The following ITGB3 variants were observed in gnomAD, a reference collection of about 807,000 sequenced individuals.
The protein encoded by ITGB3 is integrin beta-3.
In ITGB3, 48 loss-of-function variants were observed where a neutral mutation model predicts 85.8. The ratio of observed to expected loss-of-function variants is 0.56; its 90% CI spans 0.44 to 0.71. The LOEUF (loss-of-function observed/expected upper bound fraction) is 0.71, where lower values mean the gene tolerates loss of function less well. Ranked by LOEUF, ITGB3 falls within the 30% of genes least tolerant of loss-of-function variation. The pLI, the probability that ITGB3 is intolerant of heterozygous loss-of-function variation, is 0.00. For synonymous variants in ITGB3, 363 were observed against 395.6 expected, an observed-to-expected ratio of 0.92 and a Z score of 0.98; for missense variants, 861 against 1,019.1, an observed-to-expected ratio of 0.84 and a Z score of 2.11.
intron 1 of ITGB3, among the ~76,000 whole-genome samples, chr17:47,261,926 A>T (rs910941430): frequency 6.6e-6 from 1 of 152,214 alleles, no homozygotes; most frequent in Non-Finnish European, 1.5e-5. Flanking sequence ...ACTCTTTGTT[A>T]TATGGATATA....
intron 1 of ITGB3, among the ~76,000 whole-genome samples, chr17:47,260,681 C>G (rs2065005969): frequency 6.6e-6 from 1 of 152,130 alleles, no homozygotes; most frequent in Non-Finnish European, 1.5e-5. Context: ...TTGACCAATC[C>G]CCAGTGGAGG....
chr17:47,269,064 C>T (rs959881357), intron 1 of ITGB3, among the ~76,000 whole-genome samples: 14 of 152,172 alleles, frequency 9.2e-5, no homozygotes, highest in African/African-American at 3.1e-4. Flanking sequence ...GGCCTGAGCT[C>T]TATGTTGGTC....
At chr17:47,282,818 T>C (rs1207301281) in intron 2 of ITGB3, among the ~76,000 whole-genome samples, 1 of 152,244 alleles carries the variant, frequency 6.6e-6, no homozygotes, top group Non-Finnish European at 1.5e-5. Flanking sequence ...TCCACTCTCC[T>C]CCAACAATAT....
chr17:47,254,968 A>ATTATTTAT (rs145396998), intron 1 of ITGB3, among the ~76,000 whole-genome samples: 104 of 151,388 alleles, frequency 6.9e-4, no homozygotes, highest in African/African-American at 2.3e-3. Context: ...ATTTTATTTT[A>ATTATTTAT]TTATTTATTT....
At chr17:47,304,580 CCTG>C (rs2065180136) in intron 13 of ITGB3, among the ~76,000 whole-genome samples, 1 of 152,044 alleles carries the variant, frequency 6.6e-6, no homozygotes, top group Admixed American at 6.6e-5. Flanking sequence ...GTCTTGGCTT[CCTG>C]CTTTTTTTGT....
intron 1 of ITGB3, among the ~76,000 whole-genome samples, chr17:47,264,607 G>T (rs1334607085): frequency 6.6e-6 from 1 of 152,008 alleles, no homozygotes; most frequent in Non-Finnish European, 1.5e-5. Flanking sequence ...CTCTACCATG[G>T]CCTATAGCTT....
At position 47,262,914 on chromosome 17, in the gene ITGB3, G is replaced by A. The variant is rs1289574399; in HGVS notation, c.79+8974G>A. On this transcript the variant is annotated intron_variant, in intron 1 of 14. Coordinates refer to ENST00000559488, the MANE Select transcript of ITGB3 (RefSeq NM_000212.3). The stretch of plus-strand genomic sequence containing the variant: ...TTATGTCATTTAATCCTAACAACTC[G>A]GGAGCACTGGGGAAAGGAAGCAGCT... Among the ~76,000 whole-genome samples the A allele has an allele frequency of 9.2e-5, 14 of 152,118 alleles. No homozygotes were observed. The East Asian group carries it at 2.3e-3, about 25-fold the overall frequency.
intron 10 of ITGB3, among the ~76,000 whole-genome samples, chr17:47,295,819 CTGCTGTGAGGTTGGCCGAT>C (rs1435340864): frequency 1.3e-5 from 2 of 152,206 alleles, no homozygotes; most frequent in East Asian, 3.9e-4. Context: ...CCTCCCCCAG[CTGCTGTGAGGTTGGCCGAT>C]AGCAGCTCAC....
Position 47,300,503 on chromosome 17 carries a change from G to A in ITGB3, c.1939G>A (p.Asp647Asn), listed in dbSNP as rs1296258400. The change falls in exon 12 of 15, where the codon GAC (aspartate) becomes AAC (asparagine). Residue 647 changes from aspartate (D) to asparagine (N), a missense_variant. By Grantham distance (23) the Asp-to-Asn change is conservative. Transcript: ENST00000559488. Reference sequence around the variant, plus strand: ...AGAATGTGTGGAGTGTAAGAAGTTTGACCGGGGAGCCCTACATGACGAAAA... The same window carrying A: ...AGAATGTGTGGAGTGTAAGAAGTTTAACCGGGGAGCCCTACATGACGAAAA... The part of the protein sequence containing the change: ...KKECVECKKF[D>N]RGALHDENTC... 1 of 1,614,048 alleles carries A rather than the reference G, an allele frequency of 6.2e-7. No individual in the cohort carries two copies.
At position 47,286,274 on chromosome 17, in the gene ITGB3, G is replaced by A; in HGVS notation, c.629G>A (p.Cys210Tyr). ...TCCCTCCCCAGTATGAAGACCACCTGCTTGCCCATGTTTGGCTACAAACAC... is the reference window on the plus strand; with the variant it reads ...TCCCTCCCCAGTATGAAGACCACCTACTTGCCCATGTTTGGCTACAAACAC... ...ENPCYDMKTT[C>Y]LPMFGYKHVL... The change falls in exon 5 of 15, where the codon TGC becomes TAC. Residue 210 changes from cysteine to tyrosine, a missense_variant. Coordinates refer to ENST00000559488, the MANE Select transcript of ITGB3 (RefSeq NM_000212.3). 2 of 1,614,166 alleles carry A rather than the reference G, an allele frequency of 1.2e-6. No individual in the cohort carries two copies. Among genetic ancestry groups the A allele is most frequent in the Non-Finnish European group, 1.7e-6 (2 of 1,180,018 alleles).
intron 1 of ITGB3, among the ~76,000 whole-genome samples, chr17:47,271,219 G>C (rs1235652508): frequency 1.3e-5 from 2 of 152,132 alleles, no homozygotes; most frequent in Non-Finnish European, 2.9e-5. Flanking sequence ...ACTATTAGTG[G>C]GTGACTCGAT....
At chr17:47,262,739 T>C (rs987309736) in intron 1 of ITGB3, among the ~76,000 whole-genome samples, 1 of 152,186 alleles carries the variant, frequency 6.6e-6, no homozygotes, top group Non-Finnish European at 1.5e-5. Context: ...CACTATATCC[T>C]GTTAGAGACA....
chr17:47,287,320 C>A, intron 6 of ITGB3, 89 bp downstream of exon 6: 1 of 1,484,686 alleles, frequency 6.7e-7, no homozygotes, highest in Non-Finnish European at 9.3e-7. Context: ...ATGAAAATGG[C>A]AGCCCCTCCT....
chr17:47,307,550 G>A lies in ITGB3; in HGVS notation c.2214G>A (p.Leu738=). The change falls in exon 14 of 15, where the codon CTG becomes CTA. Residue 738 remains leucine (L), a synonymous_variant. Coordinates refer to ENST00000559488, the MANE Select transcript of ITGB3 (RefSeq NM_000212.3). Reference sequence around the variant, plus strand: ...TTCTGCTCATTGGCCTTGCCGCCCTGCTCATCTGGAAACTCCTCATCACCA... The same window carrying A: ...TTCTGCTCATTGGCCTTGCCGCCCTACTCATCTGGAAACTCCTCATCACCA... ...GAILLIGLAA[L]LIWKLLITIH... The A allele has an allele frequency of 1.2e-6, 2 of 1,614,182 alleles. No individual in the cohort carries two copies. Among genetic ancestry groups the A allele is most frequent in the Non-Finnish European group, 8.5e-7 (1 of 1,180,040 alleles).
intron 1 of ITGB3, among the ~76,000 whole-genome samples, chr17:47,256,366 C>T (rs2064989818): frequency 6.6e-6 from 1 of 152,008 alleles, no homozygotes; most frequent in Non-Finnish European, 1.5e-5. Flanking sequence ...TGGGGCGATT[C>T]CAGAAGTGGT....
chr17:47,290,117 TGG>T (rs1316676140), intron 7 of ITGB3, 66 bp from the exon 8 acceptor site: 3 of 1,152,670 alleles, frequency 2.6e-6, no homozygotes, highest in East Asian at 4.7e-5. Flanking sequence ...CAGTGGGATT[TGG>T]GGAGGGCTTT....
At chr17:47,302,936 A>AC (rs2065172927) in intron 13 of ITGB3, 96 bp downstream of exon 13, 1 of 1,450,630 alleles carries the variant, frequency 6.9e-7, no homozygotes. Context: ...GTTAAGCAAA[A>AC]CAGGTTAAGC....
chr17:47,303,165 A>C (rs2065173784), intron 13 of ITGB3, among the ~76,000 whole-genome samples: 1 of 152,038 alleles, frequency 6.6e-6, no homozygotes, highest in African/African-American at 2.4e-5. Context: ...CAGGAGACTC[A>C]CTTGAACCCG....
chr17:47,262,017 G>A (rs888646448), intron 1 of ITGB3, among the ~76,000 whole-genome samples: 9 of 152,164 alleles, frequency 5.9e-5, no homozygotes, highest in African/African-American at 2.2e-4. Flanking sequence ...AAAGCTGCAG[G>A]GGATATCCTT....
Sources: gnomAD v4.1 joint callset for allele counts (sites outside exome capture counted in the v4.1 genomes callset) on GRCh38, gnomAD v4.1.1 for gene constraint, MANE v1.5 for transcripts, NCBI Gene and HGNC (gene_info 2026-07-23, HGNC 2026-07-21) for gene names.